The following AP2A2 variants were observed in gnomAD, a reference collection of about 807,000 sequenced individuals.
AP2A2 encodes the protein adaptor related protein complex 2 subunit alpha 2.
A neutral mutation model predicts 104.2 loss-of-function variants in AP2A2; 32 were observed. The observed-to-expected ratio is 0.31, with a 90% confidence interval of 0.23 to 0.41. AP2A2 has a LOEUF of 0.41. Among genes scored for constraint, AP2A2 ranks in the 10% least tolerant of loss-of-function variants. The pLI is 1.00. For missense variants in AP2A2, 912 were observed against 1,261.0 expected (o/e 0.72, Z 4.19); for synonymous variants, 539 against 533.3 (o/e 1.01, Z -0.15).
chr11:986,216 C>T (rs1855451570), intron 8 of AP2A2, among the ~76,000 whole-genome samples: 2 of 152,278 alleles, frequency 1.3e-5, no homozygotes, highest in South Asian at 2.1e-4. Context: ...ACGCTCTCTA[C>T]AGCTTGTGAA....
At chr11:935,603 G>GTTTCTTTTTTTTTTTTTTTTTTTT (rs1853428647) in intron 1 of AP2A2, among the ~76,000 whole-genome samples, 1 of 77,988 alleles carries the variant, frequency 1.3e-5, no homozygotes, top group African/African-American at 4.7e-5. Flanking sequence ...TGCCCGGCCA[G>GTTTCTTTTTTTTTTTTTTTTTTTT]TTTTTTTTTT....
chr11:993,694 G>T lies in AP2A2; in HGVS notation c.1551-60G>T, dbSNP rs36081583. On this transcript the variant is annotated intron_variant, in intron 12 of 21. Transcript: ENST00000448903. This position sits in a 1 kb window ranked among gnomAD's most constrained non-coding sequence, Gnocchi z 8.2. ...CTCGCCGCCGTCCCCCCCCCGCGGG[G>T]GCGTGCTGCAGCCTGCGAGGGGACG... 5 of 1,336,670 alleles carry T rather than the reference G, an allele frequency of 3.7e-6. No homozygotes were observed. In the Admixed American group the frequency reaches 8.1e-5, roughly 22 times the overall value. The allele number at this position is 1,336,670 out of a possible 1,614,324, so 82.8% of individuals were successfully genotyped here.
chr11:993,312 A>G lies in AP2A2; in HGVS notation c.1481A>G (p.Asn494Ser). ...CTTCAGGCTCCCGCGTGCCACGAGAACCTGGTCAAAGTGGGCGGCTACATC... is the reference window on the plus strand; with the variant it reads ...CTTCAGGCTCCCGCGTGCCACGAGAGCCTGGTCAAAGTGGGCGGCTACATC... ...EALQAPACHE[N>S]LVKVGGYILG... Residue 494 changes from asparagine (N) to serine (S), a missense_variant, in exon 12 of 22, where the codon AAC becomes AGC. This residue lies in a region of AP2A2 where 137 missense variants were observed against 186.9 expected (regional missense o/e 0.73). Transcript: ENST00000448903. The surrounding 1 kb of genome is among the most constrained non-coding windows in gnomAD (Gnocchi z 8.2). 6.2e-7 allele frequency: 1 copy of G among 1,611,912 alleles called. No homozygotes were observed. Among genetic ancestry groups the G allele is most frequent in the Non-Finnish European group, 8.5e-7 (1 of 1,179,330 alleles).
At chr11:955,362 ATCCTGGGGGGCATCAGGCTGCCAGCATCC>A (rs1441346015) in intron 1 of AP2A2, among the ~76,000 whole-genome samples, 4 of 152,218 alleles carry the variant, frequency 2.6e-5, no homozygotes, top group Non-Finnish European at 5.9e-5. Context: ...AAAACCTGCC[ATCCTGGGGGGCATCAGGCTGCCAGCATCC>A]TCCTGTACCT....
intron 1 of AP2A2, chr11:933,583 T>C (rs1853358366): frequency 4.4e-6 from 2 of 456,150 alleles, no homozygotes; most frequent in South Asian, 1.5e-5. Context: ...CCAAGACGCA[T>C]AGAAGAAATA....
rs1216744600 is a variant in AP2A2, at chr11:992,070, C to G, written c.1270-433C>G. ...AAAGACTGGCCAGAGCCGGAAGAAA[C>G]CAGCAGAGAAGTGGCCGCCGGGAGC... On this transcript the variant is annotated intron_variant, in intron 10 of 21. Coordinates refer to ENST00000448903, the MANE Select transcript of AP2A2 (RefSeq NM_012305.4). The surrounding 1 kb of genome is among the most constrained non-coding windows in gnomAD (Gnocchi z 6.4). Among the ~76,000 whole-genome samples, 4 of 152,228 alleles carry G rather than the reference C, an allele frequency of 2.6e-5. No individual in the cohort carries two copies. The highest frequency in any genetic ancestry group is 7.2e-5 in the African/African-American group (3 of 41,538).
At chr11:1,005,116 A>C (rs1564822585) in intron 16 of AP2A2, among the ~76,000 whole-genome samples, 1 of 152,230 alleles carries the variant, frequency 6.6e-6, no homozygotes, top group Non-Finnish European at 1.5e-5. Flanking sequence ...TAATTAAACG[A>C]AATGTGGTCT....
At chr11:991,530 C>T (rs6597951) in intron 10 of AP2A2, among the ~76,000 whole-genome samples, 83,133 of 151,984 alleles carry the variant, frequency 0.55, 24,133 homozygotes, top group Middle Eastern at 0.72. Flanking sequence ...GAGCAGGGCA[C>T]GCGAGGCAGG....
chr11:945,979 G>A (rs1853817944), intron 1 of AP2A2, among the ~76,000 whole-genome samples: 1 of 152,164 alleles, frequency 6.6e-6, no homozygotes, highest in South Asian at 2.1e-4. Context: ...ACAGAGGCAT[G>A]CATGCTAAAC....
chr11:957,075 C>G (rs1471426513), intron 1 of AP2A2: 1 of 152,234 alleles, frequency 6.6e-6, no homozygotes, highest in Non-Finnish European at 1.5e-5. Flanking sequence ...TTGTGCATGA[C>G]AGACTGTGAA....
intron 1 of AP2A2, among the ~76,000 whole-genome samples, chr11:958,896 G>A (rs541441732): frequency 6.6e-6 from 1 of 152,304 alleles, no homozygotes; most frequent in South Asian, 2.1e-4. Context: ...TCTGAGCTGA[G>A]TCTTGAAGGA....
In AP2A2 at chr11:994,137, G is replaced by A. The variant is rs1053715885; in HGVS notation, c.1848G>A (p.Lys616=). ...AGTCCTCCATCTTGGCAAAGCTCAA[G>A]AAGAAGAAGGGCCCCAGCACGGTGA... The part of the protein sequence containing the change: ...ERESSILAKL[K]KKKGPSTVTD... The change falls in exon 14 of 22, where the codon AAG becomes AAA. Residue 616 remains lysine, a synonymous_variant. Coordinates refer to ENST00000448903, the MANE Select transcript of AP2A2 (RefSeq NM_012305.4). 5 of 1,613,004 alleles carry A rather than the reference G, an allele frequency of 3.1e-6. No individual in the cohort carries two copies. In the Admixed American group the frequency reaches 6.7e-5, roughly 22 times the overall value.
intron 17 of AP2A2, chr11:1,007,101 C>T (rs939934796): frequency 6.4e-6 from 1 of 155,506 alleles, no homozygotes; most frequent in African/African-American, 2.4e-5. Flanking sequence ...TAGAACTTCC[C>T]CAGCTAAAAC....
At chr11:964,649 C>G (rs897611831) in intron 2 of AP2A2, among the ~76,000 whole-genome samples, 2 of 152,096 alleles carry the variant, frequency 1.3e-5, no homozygotes, top group African/African-American at 4.8e-5. Context: ...CTCACTTTTC[C>G]TATTTTTTTT....
intron 5 of AP2A2, among the ~76,000 whole-genome samples, chr11:980,804 G>A (rs1050738273): frequency 2.0e-5 from 3 of 152,354 alleles, no homozygotes; most frequent in Non-Finnish European, 4.4e-5. Context: ...TAAAGGTAGC[G>A]TCTCCCTCTA....
At chr11:963,191 C>T (rs1415949943) in intron 2 of AP2A2, among the ~76,000 whole-genome samples, 3 of 152,052 alleles carry the variant, frequency 2.0e-5, no homozygotes, top group African/African-American at 7.2e-5. Context: ...TTTGGGAGGC[C>T]GAGGTGGCTG....
In AP2A2 at chr11:1,003,797, G is replaced by T; in HGVS notation, c.2199G>T (p.Gln733His). Reference sequence around the variant, plus strand: ...TTGGACTTAAGTCTGAATTTCGGCAGAATTTAGGTATGTGTTTTAATTACT... The same window carrying T: ...TTGGACTTAAGTCTGAATTTCGGCATAATTTAGGTATGTGTTTTAATTACT... ...LQIGLKSEFR[Q>H]NLGRMFIFYG... Residue 733 changes from glutamine (Q) to histidine (H), a missense_variant, in exon 16 of 22, where the codon CAG becomes CAT. By Grantham distance (24) the Gln-to-His change is conservative (BLOSUM62 0). Around this residue, in one of 7 missense-constraint regions of AP2A2, gnomAD observed 239 missense variants for 329.8 expected, o/e 0.72. Transcript: ENST00000448903. 6.3e-7 allele frequency: 1 copy of T among 1,598,480 alleles called. No individual in the cohort carries two copies.
rs1007346462 is a variant in AP2A2 at position 993,952 on chromosome 11, G to A, written c.1749G>A (p.Leu583=). 2 of 1,612,600 alleles carry A rather than the reference G, an allele frequency of 1.2e-6. No homozygotes were observed. The highest frequency in any genetic ancestry group is 8.5e-7 in the Non-Finnish European group (1 of 1,179,766). ...VELQQRAVEY[L]RLSTVASTDI... is the part of the protein sequence containing the mutation. ...TGCAGCAGCGTGCTGTGGAGTACCTGCGGCTCAGCACCGTGGCCAGCACCG... is the reference window on the plus strand; with the variant it reads ...TGCAGCAGCGTGCTGTGGAGTACCTACGGCTCAGCACCGTGGCCAGCACCG... Residue 583 remains leucine (L), a synonymous_variant, in exon 13 of 22, where the codon CTG becomes CTA. Coordinates refer to ENST00000448903, the MANE Select transcript of AP2A2 (RefSeq NM_012305.4). The surrounding 1 kb of genome is among the most constrained non-coding windows in gnomAD (Gnocchi z 8.2).
chr11:933,864 G>C (rs1364595267), intron 1 of AP2A2, among the ~76,000 whole-genome samples: 7 of 152,186 alleles, frequency 4.6e-5, no homozygotes, highest in Admixed American at 6.5e-5. Context: ...CTTCTGTTCA[G>C]TTGATTCTCG....
Sources: gnomAD v4.1 joint callset for allele counts (sites outside exome capture counted in the v4.1 genomes callset) on GRCh38, gnomAD v4.1.1 for gene constraint, gnomAD v4.1.1 regional missense constraint, Gnocchi (gnomAD v3.1) non-coding constraint, MANE v1.5 for transcripts, NCBI Gene and HGNC (gene_info 2026-07-23, HGNC 2026-07-21) for gene names.